RNU6-9: variants seen among roughly 807,000 people sequenced by gnomAD.
The protein encoded by RNU6-9 is RNA, U6 small nuclear 9.
At chr19:893,577 C>T (rs1038333974) in exon 1 of RNU6-9, 4 of 132,814 alleles carry the variant, frequency 3.0e-5, no homozygotes, top group Admixed American at 7.4e-5. Context: ...ATTCGTGAAG[C>T]GTTCCATATT....
At chr19:893,512 A>T (rs1173464183) in exon 1 of RNU6-9, 2 of 152,176 alleles carry the variant, frequency 1.3e-5, no homozygotes, top group Non-Finnish European at 2.9e-5. Context: ...CATATACTAA[A>T]ATTGGAACGA....
At chr19:893,484 G>C (rs139020974) in exon 1 of RNU6-9, 1 of 152,150 alleles carries the variant, frequency 6.6e-6, no homozygotes, top group Non-Finnish European at 1.5e-5. Context: ...CTCAATATTC[G>C]TGCTCGCTTC....
exon 1 of RNU6-9, chr19:893,542 G>C (rs997721811): frequency 6.6e-6 from 1 of 151,906 alleles, no homozygotes; most frequent in Non-Finnish European, 1.5e-5. Flanking sequence ...GATTAGCATG[G>C]CCCCTGCGCA....
Sources: allele counts gnomAD v4.1 joint callset, GRCh38; gene constraint gnomAD v4.1.1; transcripts MANE v1.5; gene names NCBI Gene and HGNC (gene_info 2026-07-23, HGNC 2026-07-21).